The following MAB21L4 variants were observed in gnomAD, a reference collection of about 807,000 sequenced individuals.
MAB21L4 encodes mab-21 like 4.
A neutral mutation model predicts 32.4 loss-of-function variants in MAB21L4; 25 were observed. That is an observed-to-expected ratio of 0.77 (90% confidence interval 0.56 to 1.08). The LOEUF is 1.08. MAB21L4 is among the 50% of genes least tolerant of loss of function. MAB21L4 has a pLI of 0.00. For missense variants in MAB21L4, 638 were observed against 611.0 expected (o/e 1.04, Z -0.47); for synonymous variants, 280 against 276.8 (o/e 1.01, Z -0.11).
chr2:240,895,955 C>T lies in MAB21L4; in HGVS notation c.43G>A (p.Val15Met), dbSNP rs763192027. 5.4e-6 allele frequency: 8 copies of T among 1,483,156 alleles called. No individual in the cohort carries two copies. The highest frequency in any genetic ancestry group is 1.4e-5 in the African/African-American group (1 of 71,222). The allele number at this position is 1,483,156 out of a possible 1,614,324, so 91.9% of individuals were successfully genotyped here. The part of the protein sequence containing the change: ...ALPTSAMAVQ[V>M]PLWHHYLQAI... Reference sequence around the variant, plus strand: ...TGCAGGTAGTGGTGCCACAGGGGCACCTGCACGGCCATGGCTGAGGTGGGG... The same window carrying T: ...TGCAGGTAGTGGTGCCACAGGGGCATCTGCACGGCCATGGCTGAGGTGGGG... The change falls in exon 1 of 5, where the codon GTG (valine) becomes ATG (methionine). Residue 15 changes from valine to methionine, a missense_variant. Val to Met is a conservative substitution (Grantham distance 21). Transcript: ENST00000388934.
intron 4 of MAB21L4, among the ~76,000 whole-genome samples, chr2:240,887,473 G>T (rs968772896): frequency 2.0e-5 from 3 of 152,250 alleles, no homozygotes; most frequent in Non-Finnish European, 4.4e-5. Context: ...ACACAGGTCT[G>T]CTGAGAGCAC....
intron 1 of MAB21L4, chr2:240,892,183 T>TA: frequency 1.5e-6 from 1 of 679,738 alleles, no homozygotes. Context: ...AGCCCTCAGC[T>TA]AGCCCCCTAC....
At chr2:240,894,576 G>A (rs187862482) in intron 1 of MAB21L4, among the ~76,000 whole-genome samples, 45 of 152,342 alleles carry the variant, frequency 3.0e-4, no homozygotes, top group African/African-American at 1.1e-3. Context: ...AGGCCCAGGT[G>A]GGCGGATCAT....
chr2:240,895,846 T>C lies in MAB21L4; in HGVS notation c.152A>G (p.His51Arg). 5 of 1,579,734 alleles carry C rather than the reference T, an allele frequency of 3.2e-6. No individual in the cohort carries two copies. The highest frequency in any genetic ancestry group is 1.7e-5 in the Admixed American group (1 of 57,416). ...NVLLTVLERV[H>R]ALDPRFIVDY... ...CACGATGAAGCGGGGGTCCAGGGCA[T>C]GCACGCGCTCCAGCACCGTGAGCAG... The change falls in exon 1 of 5, where the codon CAT (histidine) becomes CGT (arginine). Residue 51 changes from histidine (H) to arginine (R), a missense_variant. By Grantham distance (29) the His-to-Arg change is conservative (BLOSUM62 0). Transcript: ENST00000388934.
In MAB21L4 at chr2:240,890,082, A is replaced by G. The variant is rs550984534; in HGVS notation, c.817T>C (p.Ser273Pro). 12 of 1,613,330 alleles carry G rather than the reference A, an allele frequency of 7.4e-6. No individual in the cohort carries two copies. Among genetic ancestry groups the G allele is most frequent in the Admixed American group, 1.7e-5 (1 of 60,016 alleles). The change falls in exon 3 of 5, where the codon TCC becomes CCC. Residue 273 changes from serine to proline, a missense_variant. Ser to Pro is a moderately conservative substitution (Grantham distance 74). Transcript: ENST00000388934. Reference sequence around the variant, plus strand: ...TCGTGGTTGACCCGGTCGAGGATGGAGAGGCTGTCCAGGCGATGACCCTGC... The same window carrying G: ...TCGTGGTTGACCCGGTCGAGGATGGGGAGGCTGTCCAGGCGATGACCCTGC... ...SLQGHRLDSL[S>P]ILDRVNHESW... is the part of the protein sequence containing the mutation.
Position 240,891,753 on chromosome 2 carries a change from G to A in MAB21L4, c.525C>T (p.Asn175=), listed in dbSNP as rs777535104. 5.6e-6 allele frequency: 9 copies of A among 1,608,126 alleles called. No individual in the cohort carries two copies. The highest frequency in any genetic ancestry group is 5.3e-5 in the African/African-American group (4 of 74,890). The part of the protein sequence containing the change: ...HHSLIAPGSL[N]AASLREEQLH... ...GCTGCTCCTCCCTCAGGCTGGCCGC[G>A]TTCAGCGAACCTGCAAAGACCCAAG... Residue 175 remains asparagine (N), a synonymous_variant, in exon 2 of 5, where the codon AAC becomes AAT. Coordinates refer to ENST00000388934, the MANE Select transcript of MAB21L4 (RefSeq NM_001085437.3).
At position 240,895,666 on chromosome 2, in the gene MAB21L4, A is replaced by C. The variant is rs1156810904; in HGVS notation, c.332T>G (p.Leu111Arg). ...QPEDGLELCH[L>R]GVPREGAGLE... ...GCCAGCCCCTTCCCTGGGCACACCCAGGTGGCATAATTCAAGGCCATCCTC... is the reference window on the plus strand; with the variant it reads ...GCCAGCCCCTTCCCTGGGCACACCCCGGTGGCATAATTCAAGGCCATCCTC... The change falls in exon 1 of 5, where the codon CTG becomes CGG. Residue 111 changes from leucine to arginine, a missense_variant. Transcript: ENST00000388934. The C allele has an allele frequency of 1.9e-6, 3 of 1,612,820 alleles. No individual in the cohort carries two copies. The highest frequency in any genetic ancestry group is 4.5e-5 in the East Asian group (2 of 44,880).
chr2:240,888,529 G>C lies in MAB21L4; in HGVS notation c.1014C>G (p.Pro338=). 1.2e-6 allele frequency: 2 copies of C among 1,608,194 alleles called. No individual in the cohort carries two copies. The highest frequency in any genetic ancestry group is 2.2e-5 in the East Asian group (1 of 44,828). Residue 338 remains proline (P), a synonymous_variant, in exon 4 of 5, where the codon CCC becomes CCG. Coordinates refer to ENST00000388934, the MANE Select transcript of MAB21L4 (RefSeq NM_001085437.3). ...LLCCLATRKL[P]HFLHPQRNLL... is the part of the protein sequence containing the mutation. ...GGTTGCGCTGCGGGTGGAGGAAGTG[G>C]GGCAGCTTCCGCGTGGCCAGGCAAC...
chr2:240,889,140 C>T (rs779796544), intron 3 of MAB21L4, among the ~76,000 whole-genome samples: 18 of 152,172 alleles, frequency 1.2e-4, no homozygotes, highest in Non-Finnish European at 2.2e-4. Context: ...CCATCCTGCC[C>T]CAGGCCCTGT....
chr2:240,889,809 C>T (rs765828396), intron 3 of MAB21L4, among the ~76,000 whole-genome samples, 196 bp downstream of exon 3: 20 of 152,226 alleles, frequency 1.3e-4, no homozygotes, highest in Admixed American at 2.6e-4. Context: ...ACGGCACCCG[C>T]GGCCACATTC....
At chr2:240,890,330 A>G (rs1267520690) in intron 2 of MAB21L4, among the ~76,000 whole-genome samples, 172 bp from the exon 3 acceptor site, 1 of 152,172 alleles carries the variant, frequency 6.6e-6, no homozygotes, top group Non-Finnish European at 1.5e-5. Context: ...TCGGCTGTGC[A>G]GTGTGCACGC....
chr2:240,895,666 A>T lies in MAB21L4; in HGVS notation c.332T>A (p.Leu111Gln). Reference sequence around the variant, plus strand: ...GCCAGCCCCTTCCCTGGGCACACCCAGGTGGCATAATTCAAGGCCATCCTC... The same window carrying T: ...GCCAGCCCCTTCCCTGGGCACACCCTGGTGGCATAATTCAAGGCCATCCTC... ...QPEDGLELCH[L>Q]GVPREGAGLE... The change falls in exon 1 of 5, where the codon CTG (leucine) becomes CAG (glutamine). Residue 111 changes from leucine (L) to glutamine (Q), a missense_variant. Transcript: ENST00000388934. The T allele has an allele frequency of 6.2e-7, 1 of 1,612,938 alleles. No individual in the cohort carries two copies. Among genetic ancestry groups the T allele is most frequent in the Non-Finnish European group, 8.5e-7 (1 of 1,180,008 alleles).
At chr2:240,896,258 G>T, upstream of MAB21L4, 2 of 964,848 alleles carry the variant, frequency 2.1e-6, no homozygotes, top group Non-Finnish European at 2.7e-6. Context: ...GCAGGCGGGG[G>T]CTGGGTTTGG....
chr2:240,896,440 A>G (rs993567101), upstream of MAB21L4, among the ~76,000 whole-genome samples: 1 of 151,986 alleles, frequency 6.6e-6, no homozygotes, highest in African/African-American at 2.4e-5. Flanking sequence ...CCTCCTCCCC[A>G]CAGCCCAGGG....
In MAB21L4 at chr2:240,895,686, A is replaced by G. The variant is rs1357142124; in HGVS notation, c.312T>C (p.Asp104=). The G allele has an allele frequency of 6.2e-7, 1 of 1,612,828 alleles. No individual in the cohort carries two copies. The highest frequency in any genetic ancestry group is 1.3e-5 in the African/African-American group (1 of 74,936). The change falls in exon 1 of 5, where the codon GAT becomes GAC. Residue 104 remains aspartate, a synonymous_variant. Coordinates refer to ENST00000388934, the MANE Select transcript of MAB21L4 (RefSeq NM_001085437.3). ...CACCCAGGTGGCATAATTCAAGGCC[A>G]TCCTCCGGCTGGGTGGCCTCTGGTT... ...IEEPEATQPE[D]GLELCHLGVP...
Position 240,890,144 on chromosome 2 carries a change from T to C in MAB21L4, c.755A>G (p.Tyr252Cys). 2 of 1,606,936 alleles carry C rather than the reference T, an allele frequency of 1.2e-6. No individual in the cohort carries two copies. The highest frequency in any genetic ancestry group is 1.7e-6 in the Non-Finnish European group (2 of 1,175,430). ...CTCCCCCAGCAGCCTCGTGAGCAGG[T>C]AGTCAGTGGAGGTCCTGGGGCCCAG... ...SAQLWRTSTD[Y>C]LLTRLLGELG... The change falls in exon 3 of 5, where the codon TAC (tyrosine) becomes TGC (cysteine). Residue 252 changes from tyrosine to cysteine, a missense_variant. Tyr to Cys is a radical substitution (Grantham distance 194). Transcript: ENST00000388934.
At chr2:240,887,337 G>A (rs10933510) in intron 4 of MAB21L4, among the ~76,000 whole-genome samples, 175 bp from the exon 5 acceptor site, 88,933 of 152,140 alleles carry the variant, frequency 0.58, 26,347 homozygotes, top group Non-Finnish European at 0.61. Context: ...CCCAGCCTCT[G>A]CTGCTCCCTG....
Position 240,886,960 on chromosome 2 carries a change from C to A in MAB21L4, c.*110G>T, listed in dbSNP as rs370404059. ...TGGGGACAAAATCCCTCCACTACCC[C>A]CTCAAGGAGAAGCCCGTTTCTTCTT... On this transcript the variant is annotated 3_prime_UTR_variant, in exon 5 of 5. Transcript: ENST00000388934. The A allele has an allele frequency of 6.1e-5, 50 of 817,236 alleles. No homozygotes were observed. Among genetic ancestry groups the A allele is most frequent in the Non-Finnish European group, 7.4e-5 (37 of 498,806 alleles). 50.6% of individuals were successfully genotyped at this position (817,236 alleles called of 1,614,324 possible).
chr2:240,891,825 G>A, intron 1 of MAB21L4, 62 bp from the exon 2 acceptor site: 1 of 1,600,824 alleles, frequency 6.2e-7, no homozygotes, highest in Non-Finnish European at 8.5e-7. Context: ...ACACTCCACA[G>A]CCCTCCTCCT....
Sources: allele counts gnomAD v4.1 joint callset (sites outside exome capture counted in the v4.1 genomes callset), GRCh38; gene constraint gnomAD v4.1.1; transcripts MANE v1.5; gene names NCBI Gene and HGNC (gene_info 2026-07-23, HGNC 2026-07-21).